The following GLS variants were observed in gnomAD, a reference collection of about 807,000 sequenced individuals.
GLS encodes the protein glutaminase kidney isoform, mitochondrial.
Under a neutral mutation model 86.7 loss-of-function variants are expected in GLS, and 36 were observed. That is an observed-to-expected ratio of 0.42 (90% CI 0.32 to 0.55). The LOEUF (loss-of-function observed/expected upper bound fraction) is 0.55, where lower values mean the gene tolerates loss of function less well. GLS is among the 20% of genes least tolerant of loss of function. The pLI is 0.17. For synonymous variants in GLS, 317 were observed against 305.9 expected, an observed-to-expected ratio of 1.04 and a Z score of -0.38; for missense variants, 528 against 833.4, an observed-to-expected ratio of 0.63 and a Z score of 4.51.
chr2:190,899,885 TA>T (rs1195078659), intron 3 of GLS, among the ~76,000 whole-genome samples: 42 of 152,162 alleles, frequency 2.8e-4, no homozygotes, highest in African/African-American at 9.9e-4. Flanking sequence ...GAAACATTTT[TA>T]TTCTGCATTA....
rs769960191 is a variant in GLS, at chr2:190,905,592, G to T, written c.979+425G>T. Among the ~76,000 whole-genome samples the T allele has an allele frequency of 2.0e-5, 3 of 152,002 alleles. No homozygotes were observed. Among genetic ancestry groups the T allele is most frequent in the Non-Finnish European group, 2.9e-5 (2 of 67,934 alleles). On this transcript the variant is annotated intron_variant, in intron 6 of 17. Transcript: ENST00000320717. This position sits in a 1 kb window ranked among gnomAD's most constrained non-coding sequence, Gnocchi z 4.6. Reference sequence around the variant, plus strand: ...TAGTTGAAAGTTTTATTGTGGCCCTGGTTGAGATAGTGAGGATTATTATTT... The same window carrying T: ...TAGTTGAAAGTTTTATTGTGGCCCTTGTTGAGATAGTGAGGATTATTATTT...
rs978937126 is a variant in GLS at position 190,962,327 on chromosome 2, C to T, written c.1854-503C>T. Among the ~76,000 whole-genome samples the T allele has an allele frequency of 6.6e-6, 1 of 152,164 alleles. No individual in the cohort carries two copies. Among genetic ancestry groups the T allele is most frequent in the African/African-American group, 2.4e-5 (1 of 41,422 alleles). On this transcript the variant is annotated intron_variant, in intron 17 of 17. Transcript: ENST00000320717. This position sits in a 1 kb window ranked among gnomAD's most constrained non-coding sequence, Gnocchi z 4.2. Reference sequence around the variant, plus strand: ...TCCTTTGGGGCCAATCTTGCTCCTCCAGTGTGTTTTAGCCCTAATGAGGTC... The same window carrying T: ...TCCTTTGGGGCCAATCTTGCTCCTCTAGTGTGTTTTAGCCCTAATGAGGTC...
At chr2:190,907,642 GTTAC>G (rs1195773809) in intron 6 of GLS, among the ~76,000 whole-genome samples, 1 of 152,216 alleles carries the variant, frequency 6.6e-6, no homozygotes, top group African/African-American at 2.4e-5. Flanking sequence ...GAGCAAACAA[GTTAC>G]TTTATGGAGA....
intron 12 of GLS, 170 bp downstream of exon 12, chr2:190,927,652 A>C (rs1689943476): frequency 1.9e-6 from 1 of 527,944 alleles, no homozygotes; most frequent in Admixed American, 3.7e-5. Flanking sequence ...GATAAGGTCT[A>C]CCAGATGTTC....
chr2:190,964,872 A>AGAT lies in GLS; in HGVS notation c.*1887_*1889dup. The AGAT allele has an allele frequency of 6.6e-6, 1 of 152,364 alleles. No homozygotes were observed. The highest frequency in any genetic ancestry group is 1.9e-4 in the East Asian group (1 of 5,196). 9.4% of individuals were successfully genotyped at this position (152,364 alleles called of 1,614,324 possible). On this transcript the variant is annotated 3_prime_UTR_variant, in exon 18 of 18. Transcript: ENST00000320717. The surrounding 1 kb of genome is among the most constrained non-coding windows in gnomAD (Gnocchi z 5.2). ...AAGACAGTTGAATTGTGTGACTTGA[A>AGAT]GATTACCAATGATTTTGAGGCTTTT...
chr2:190,944,689 G>A lies in GLS; in HGVS notation c.1651-8876G>A, dbSNP rs1690536969. 2.0e-5 allele frequency among the ~76,000 whole-genome samples: 3 copies of A among 152,108 alleles called. No homozygotes were observed. The South Asian group carries it at 6.2e-4, about 32-fold the overall frequency. ...GTATCTTTTTAGACCATTCATTGGT[G>A]TTTACTGGAATAATATGCCACTGAG... On this transcript the variant is annotated intron_variant, in intron 14 of 17. Coordinates refer to ENST00000320717, the MANE Select transcript of GLS (RefSeq NM_014905.5).
rs1223748196 is a variant in GLS at position 190,881,398 on chromosome 2, C to T, written c.314C>T (p.Pro105Leu). 6.5e-7 allele frequency: 1 copy of T among 1,542,856 alleles called. No individual in the cohort carries two copies. Among genetic ancestry groups the T allele is most frequent in the Non-Finnish European group, 8.7e-7 (1 of 1,144,122 alleles). The change falls in exon 1 of 18, where the codon CCC becomes CTC. Residue 105 changes from proline (P) to leucine (L), a missense_variant. By Grantham distance (98) the Pro-to-Leu change is moderately conservative (BLOSUM62 -3). This residue lies in a region of GLS where 224 missense variants were observed against 187.9 expected (regional missense o/e 1.19). Coordinates refer to ENST00000320717, the MANE Select transcript of GLS (RefSeq NM_014905.5). ...SPPAAPAAPG[P>L]KDGPGETDAF... ...CCCGCTGCCCCGGCGGCGCCCGGCCCCAAGGACGGCCCCGGGGAGACGGAC... is the reference window on the plus strand; with the variant it reads ...CCCGCTGCCCCGGCGGCGCCCGGCCTCAAGGACGGCCCCGGGGAGACGGAC...
chr2:190,889,295 A>G (rs990001763), intron 1 of GLS, among the ~76,000 whole-genome samples: 7 of 152,202 alleles, frequency 4.6e-5, no homozygotes, highest in Non-Finnish European at 8.8e-5. Flanking sequence ...GAGGATTATA[A>G]GAGATCTTAC....
intron 12 of GLS, among the ~76,000 whole-genome samples, chr2:190,928,902 T>TG (rs2124911876): frequency 7.6e-6 from 1 of 131,962 alleles, no homozygotes; most frequent in Non-Finnish European, 1.7e-5. Flanking sequence ...GTTTTTTTTT[T>TG]TTTTTTTTTT....
rs1358598366 is a variant in GLS, at chr2:190,938,361, TCTC to T, written c.1650+6728_1650+6730del. Among the ~76,000 whole-genome samples the T allele has an allele frequency of 1.3e-5, 2 of 151,576 alleles. No individual in the cohort carries two copies. The highest frequency in any genetic ancestry group is 4.8e-5 in the African/African-American group (2 of 41,412). On this transcript the variant is annotated intron_variant, in intron 14 of 17. Coordinates refer to ENST00000320717, the MANE Select transcript of GLS (RefSeq NM_014905.5). The surrounding 1 kb of genome is among the most constrained non-coding windows in gnomAD (Gnocchi z 4.1). ...GTGATTTATGTTTATATAATGAAAA[TCTC>T]CTCTGCACAGCAATTATATTTGGAA...
intron 3 of GLS, among the ~76,000 whole-genome samples, chr2:190,899,319 A>AT (rs1370293084): frequency 2.0e-5 from 3 of 152,168 alleles, no homozygotes; most frequent in East Asian, 1.9e-4. Flanking sequence ...TAGGACTGTA[A>AT]TTTTTTTAAT....
chr2:190,890,246 C>G (rs1688516673), intron 1 of GLS, among the ~76,000 whole-genome samples: 1 of 151,912 alleles, frequency 6.6e-6, no homozygotes, highest in Non-Finnish European at 1.5e-5. Context: ...TACATTGGTG[C>G]CATTATAGCT....
chr2:190,889,592 T>C (rs1270593750), intron 1 of GLS, among the ~76,000 whole-genome samples: 1 of 152,226 alleles, frequency 6.6e-6, no homozygotes, highest in East Asian at 1.9e-4. Flanking sequence ...TCTAGACTGA[T>C]ATATTAAAGG....
intron 6 of GLS, among the ~76,000 whole-genome samples, chr2:190,906,653 A>G (rs1000608527): frequency 1.3e-5 from 2 of 152,170 alleles, no homozygotes; most frequent in Non-Finnish European, 1.5e-5. Context: ...TACAGGCTTC[A>G]CTATATTACA....
Position 190,923,993 on chromosome 2 carries a change from T to C in GLS, c.1197+10T>C. ...CTTAAAAGAAAAGAAGGTTTTTAAA[T>C]TTTTGTTTCTATTTCAAATTATTCT... On this transcript the variant is annotated intron_variant, in intron 10 of 17. Transcript: ENST00000320717. 7.9e-7 allele frequency: 1 copy of C among 1,273,454 alleles called. No homozygotes were observed. Among genetic ancestry groups the C allele is most frequent in the Non-Finnish European group, 1.1e-6 (1 of 887,082 alleles). The allele number at this position is 1,273,454 out of a possible 1,614,324, so 78.9% of individuals were successfully genotyped here. A position where few individuals can be genotyped will look rare whatever the true frequency, so the allele number is the denominator to read the frequency against.
rs936294397 is a variant in GLS at position 190,914,828 on chromosome 2, T to C, written c.1038+4507T>C. ...TGTTAACAGTGTTTTTCACCTGTTA[T>C]AAAGTATAATACATGAATCAATTCA... On this transcript the variant is annotated intron_variant, in intron 7 of 17. Transcript: ENST00000320717. The surrounding 1 kb of genome is among the most constrained non-coding windows in gnomAD (Gnocchi z 4.4). 6.6e-6 allele frequency among the ~76,000 whole-genome samples: 1 copy of C among 152,170 alleles called. No homozygotes were observed. Among genetic ancestry groups the C allele is most frequent in the Non-Finnish European group, 1.5e-5 (1 of 68,022 alleles).
intron 1 of GLS, among the ~76,000 whole-genome samples, 180 bp from the exon 2 acceptor site, chr2:190,894,972 C>T (rs1688680930): frequency 6.6e-6 from 1 of 151,992 alleles, no homozygotes; most frequent in Non-Finnish European, 1.5e-5. Flanking sequence ...ACTTGTTTTT[C>T]AGTGTGGTTT....
At chr2:190,915,625 T>C (rs1335226534) in intron 7 of GLS, among the ~76,000 whole-genome samples, 1 of 152,204 alleles carries the variant, frequency 6.6e-6, no homozygotes, top group Non-Finnish European at 1.5e-5. Flanking sequence ...AATCTGTTTC[T>C]AGATGCGCCT....
chr2:190,953,695 A>ATTTTAAGGTTTTTTTTTTTTAAGCCAT lies in GLS; in HGVS notation c.1712+79_1712+80insTTTTTTTTTTAAGCCATTTTTAAGGTT. Reference sequence around the variant, plus strand: ...TGAAGTTGCTTCTGGGCGAGCAGCCATTTTAAGGTTAAAGTCTCACTTTTC... The same window carrying ATTTTAAGGTTTTTTTTTTTTAAGCCAT: ...TGAAGTTGCTTCTGGGCGAGCAGCCATTTTAAGGTTTTTTTTTTTTAAGCCATTTTTAAGGTTAAAGTCTCACTTTTC... On this transcript the variant is annotated intron_variant, in intron 15 of 17. Coordinates refer to ENST00000320717, the MANE Select transcript of GLS (RefSeq NM_014905.5). This position sits in a 1 kb window ranked among gnomAD's most constrained non-coding sequence, Gnocchi z 4.0. 1.9e-6 allele frequency: 2 copies of ATTTTAAGGTTTTTTTTTTTTAAGCCAT among 1,078,644 alleles called. No individual in the cohort carries two copies. Among genetic ancestry groups the ATTTTAAGGTTTTTTTTTTTTAAGCCAT allele is most frequent in the Non-Finnish European group, 2.8e-6 (2 of 708,654 alleles). 66.8% of individuals were successfully genotyped at this position (1,078,644 alleles called of 1,614,324 possible).
Sources: gnomAD v4.1 joint callset for allele counts (sites outside exome capture counted in the v4.1 genomes callset) on GRCh38, gnomAD v4.1.1 for gene constraint, gnomAD v4.1.1 regional missense constraint, Gnocchi (gnomAD v3.1) non-coding constraint, MANE v1.5 for transcripts, NCBI Gene and HGNC (gene_info 2026-07-23, HGNC 2026-07-21) for gene names.